The following RALYL variants were observed in gnomAD, a reference collection of about 807,000 sequenced individuals.
RALYL encodes the protein RNA-binding Raly-like protein.
RALYL carries 29 observed loss-of-function variants against 35.1 expected under a neutral mutation model. The observed-to-expected ratio is 0.83, with a 90% CI of 0.61 to 1.13. RALYL has a LOEUF of 1.13. Among genes scored for constraint, RALYL ranks in the 50% most tolerant of loss-of-function variants. RALYL has a pLI of 0.00. For synonymous variants in RALYL, 120 were observed against 127.6 expected (o/e 0.94, Z 0.40); for missense variants, 359 against 360.4 (o/e 1.00, Z 0.03).
intron 2 of RALYL, among the ~76,000 whole-genome samples, chr8:84,736,072 A>C (rs1563479417): frequency 6.6e-6 from 1 of 152,154 alleles, no homozygotes; most frequent in Non-Finnish European, 1.5e-5. Flanking sequence ...TGAGAAACAC[A>C]GGAGGCAGAT....
At chr8:84,499,460 T>A (rs1326098369) in intron 1 of RALYL, among the ~76,000 whole-genome samples, 1 of 152,176 alleles carries the variant, frequency 6.6e-6, no homozygotes, top group Non-Finnish European at 1.5e-5. Flanking sequence ...AGATTATTTT[T>A]AATTTTAAAT....
chr8:84,651,029 C>G (rs1828689511), intron 2 of RALYL, among the ~76,000 whole-genome samples: 1 of 151,800 alleles, frequency 6.6e-6, no homozygotes, highest in Admixed American at 6.6e-5. Flanking sequence ...AATGAGAACA[C>G]ATGGACACAG....
At chr8:84,230,943 C>G (rs139750604) in intron 1 of RALYL, among the ~76,000 whole-genome samples, 5 of 152,340 alleles carry the variant, frequency 3.3e-5, no homozygotes, top group African/African-American at 1.2e-4. Flanking sequence ...TACACCACCT[C>G]TGTTCAGTTG....
At chr8:84,659,976 A>G (rs1049716136) in intron 2 of RALYL, among the ~76,000 whole-genome samples, 2 of 152,156 alleles carry the variant, frequency 1.3e-5, no homozygotes, top group Non-Finnish European at 2.9e-5. Context: ...AGGTTTAAGT[A>G]TATTATTCTG....
intron 2 of RALYL, among the ~76,000 whole-genome samples, chr8:84,736,267 C>A (rs1407998257): frequency 6.6e-6 from 1 of 152,026 alleles, no homozygotes; most frequent in African/African-American, 2.4e-5. Flanking sequence ...CTGTAACCAG[C>A]CTTGGGCTAG....
intron 1 of RALYL, among the ~76,000 whole-genome samples, chr8:84,385,110 G>A (rs185856928): frequency 4.6e-5 from 7 of 151,886 alleles, no homozygotes; most frequent in African/African-American, 1.2e-4. Flanking sequence ...TTTTCTAGAT[G>A]TGCAGTATAT....
chr8:84,503,553 T>C (rs2056889102), intron 1 of RALYL, among the ~76,000 whole-genome samples: 1 of 151,796 alleles, frequency 6.6e-6, no homozygotes, highest in Non-Finnish European at 1.5e-5. Flanking sequence ...TCTAAGCCTA[T>C]AGAAAATGAA....
At position 84,412,009 on chromosome 8, in the gene RALYL, G is replaced by A. The variant is rs534249732; in HGVS notation, c.-23-117290G>A. Among the ~76,000 whole-genome samples the A allele has an allele frequency of 5.9e-5, 9 of 151,972 alleles. 1 individual carries two copies. Among genetic ancestry groups the A allele is most frequent in the Non-Finnish European group, 8.8e-5 (6 of 67,838 alleles). On this transcript the variant is annotated intron_variant, in intron 1 of 8. Transcript: ENST00000521268. Reference sequence around the variant, plus strand: ...AGAAGTATGATAATATACACAAAATGCGTAGAACTGCCTGCCACATGCTAA... The same window carrying A: ...AGAAGTATGATAATATACACAAAATACGTAGAACTGCCTGCCACATGCTAA...
intron 1 of RALYL, among the ~76,000 whole-genome samples, chr8:84,326,113 A>G (rs1273112613): frequency 6.6e-6 from 1 of 152,190 alleles, no homozygotes. Context: ...CACTGTCTCA[A>G]AACAAAGCAA....
At chr8:84,662,927 C>G (rs1312335691) in intron 2 of RALYL, among the ~76,000 whole-genome samples, 2 of 152,018 alleles carry the variant, frequency 1.3e-5, no homozygotes, top group Non-Finnish European at 2.9e-5. Flanking sequence ...CACAGATCAT[C>G]CCATCACCTA....
intron 2 of RALYL, among the ~76,000 whole-genome samples, chr8:84,603,898 C>T (rs746367521): frequency 9.2e-5 from 14 of 152,072 alleles, no homozygotes; most frequent in Non-Finnish European, 2.1e-4. Context: ...AACTTCACCA[C>T]CACTGCTCTG....
chr8:84,380,907 T>C (rs1356465594), intron 1 of RALYL, among the ~76,000 whole-genome samples: 1 of 151,156 alleles, frequency 6.6e-6, no homozygotes, highest in Non-Finnish European at 1.5e-5. Context: ...AGAATGAGTG[T>C]CTTCCCCCAC....
At chr8:84,327,780 T>A (rs915056254) in intron 1 of RALYL, among the ~76,000 whole-genome samples, 2 of 152,182 alleles carry the variant, frequency 1.3e-5, no homozygotes, top group South Asian at 4.1e-4. Context: ...TTTAAAAAAG[T>A]GTGGAGTAAC....
At position 84,424,967 on chromosome 8, in the gene RALYL, G is replaced by A. The variant is rs906095959; in HGVS notation, c.-23-104332G>A. 4.0e-3 allele frequency among the ~76,000 whole-genome samples: 602 copies of A among 152,016 alleles called. 7 individuals are homozygous for A. Among genetic ancestry groups the A allele is most frequent in the African/African-American group, 0.014 (567 of 41,370 alleles). Reference sequence around the variant, plus strand: ...CCTCTCTTCAAAGCTGTCAGACAGGGACATTTAAGTCTGCAGAGGTTACTG... The same window carrying A: ...CCTCTCTTCAAAGCTGTCAGACAGGAACATTTAAGTCTGCAGAGGTTACTG... On this transcript the variant is annotated intron_variant, in intron 1 of 8. Transcript: ENST00000521268.
At chr8:84,823,620 T>G (rs1828973740) in intron 4 of RALYL, among the ~76,000 whole-genome samples, 1 of 152,052 alleles carries the variant, frequency 6.6e-6, no homozygotes. Context: ...CCTCTCCCTT[T>G]CTCACCCCTC....
chr8:84,239,781 C>T (rs1246773893), intron 1 of RALYL, among the ~76,000 whole-genome samples: 1 of 151,964 alleles, frequency 6.6e-6, no homozygotes, highest in Non-Finnish European at 1.5e-5. Flanking sequence ...ATCTCAGCTA[C>T]CCAGGAGGAT....
chr8:84,299,013 GT>G (rs1220429811), intron 1 of RALYL, among the ~76,000 whole-genome samples: 1 of 151,946 alleles, frequency 6.6e-6, no homozygotes, highest in Non-Finnish European at 1.5e-5. Flanking sequence ...CAGGCAGACA[GT>G]TTGACTTCTC....
At chr8:84,227,611 A>AT (rs1287798427) in intron 1 of RALYL, among the ~76,000 whole-genome samples, 1 of 152,004 alleles carries the variant, frequency 6.6e-6, no homozygotes, top group African/African-American at 2.4e-5. Context: ...TTAAATTTTG[A>AT]TTTTTTGGCA....
At chr8:84,475,114 A>G (rs2053243521) in intron 1 of RALYL, among the ~76,000 whole-genome samples, 1 of 151,626 alleles carries the variant, frequency 6.6e-6, no homozygotes, top group African/African-American at 2.4e-5. Context: ...CCTGTGTCCA[A>G]GTGTTCGCAT....
Sources: allele counts gnomAD v4.1 joint callset (sites outside exome capture counted in the v4.1 genomes callset), GRCh38; gene constraint gnomAD v4.1.1; transcripts MANE v1.5; gene names NCBI Gene and HGNC (gene_info 2026-07-23, HGNC 2026-07-21).